PLCB1: variants seen among roughly 807,000 people sequenced by gnomAD.
PLCB1 encodes the protein phospholipase C beta 1, also known as 1-phosphatidylinositol 4,5-bisphosphate phosphodiesterase beta-1.
PLCB1 carries 46 observed loss-of-function variants against 161.8 expected under a neutral mutation model. That is an observed-to-expected ratio of 0.28 (90% CI 0.22 to 0.36). PLCB1 has a LOEUF of 0.36. PLCB1 is among the 10% of genes least tolerant of loss of function. The pLI is 1.00. For missense variants in PLCB1, 1,016 were observed against 1,472.5 expected (o/e 0.69, Z 5.07); for synonymous variants, 517 against 503.7 (o/e 1.03, Z -0.35).
At chr20:8,467,667 CT>C (rs1329054771) in intron 3 of PLCB1, among the ~76,000 whole-genome samples, 5 of 152,110 alleles carry the variant, frequency 3.3e-5, no homozygotes, top group African/African-American at 1.2e-4. Flanking sequence ...GTAATCTGTA[CT>C]TTATTTCTAT....
intron 3 of PLCB1, among the ~76,000 whole-genome samples, chr20:8,580,468 G>C (rs186019546): frequency 7.9e-4 from 120 of 152,272 alleles, no homozygotes; most frequent in Admixed American, 3.7e-3. Flanking sequence ...TCTTTCGAGG[G>C]TTTTCTTTCC....
chr20:8,810,758 G>A (rs571119878), intron 31 of PLCB1, among the ~76,000 whole-genome samples: 1 of 152,256 alleles, frequency 6.6e-6, no homozygotes, highest in South Asian at 2.1e-4. Flanking sequence ...GAGCCCAAGA[G>A]TTTGAGACCA....
At chr20:8,537,222 AG>A (rs1210781565) in intron 3 of PLCB1, among the ~76,000 whole-genome samples, 1 of 152,202 alleles carries the variant, frequency 6.6e-6, no homozygotes. Context: ...CACTTGGAAG[AG>A]GGTCATGTGG....
intron 3 of PLCB1, among the ~76,000 whole-genome samples, chr20:8,581,410 G>A (rs1267987560): frequency 6.6e-6 from 1 of 152,040 alleles, no homozygotes; most frequent in African/African-American, 2.4e-5. Context: ...AGTGAACCTA[G>A]GATGACATTT....
At chr20:8,333,646 A>T (rs2122200181) in intron 2 of PLCB1, among the ~76,000 whole-genome samples, 1 of 152,256 alleles carries the variant, frequency 6.6e-6, no homozygotes, top group East Asian at 1.9e-4. Flanking sequence ...TACTCTTATA[A>T]CCTAAAAAGC....
intron 27 of PLCB1, among the ~76,000 whole-genome samples, chr20:8,778,754 C>T (rs1475392313): frequency 2.0e-5 from 3 of 152,192 alleles, no homozygotes; most frequent in African/African-American, 7.2e-5. Context: ...CACACCTATC[C>T]CAGCCTTGTT....
intron 3 of PLCB1, among the ~76,000 whole-genome samples, chr20:8,445,561 T>C (rs1466316883): frequency 1.3e-5 from 2 of 152,102 alleles, no homozygotes; most frequent in Non-Finnish European, 2.9e-5. Flanking sequence ...AACTTTAAAG[T>C]AGTTTTTTCC....
At chr20:8,720,180 C>G (rs1415004045) in intron 14 of PLCB1, among the ~76,000 whole-genome samples, 1 of 152,198 alleles carries the variant, frequency 6.6e-6, no homozygotes, top group East Asian at 1.9e-4. Context: ...CCTTGTCTTC[C>G]TTTGCATGTG....
intron 3 of PLCB1, among the ~76,000 whole-genome samples, chr20:8,590,599 C>T (rs1480603781): frequency 1.3e-5 from 2 of 152,076 alleles, no homozygotes; most frequent in Non-Finnish European, 2.9e-5. Context: ...GATCAAGGTG[C>T]CAGCAGGTGC....
chr20:8,376,800 C>T (rs865926298), intron 3 of PLCB1, among the ~76,000 whole-genome samples: 88 of 151,896 alleles, frequency 5.8e-4, no homozygotes, highest in Non-Finnish European at 1.0e-3. Context: ...TGGTGGCAGG[C>T]GCCTGTAGTC....
intron 3 of PLCB1, among the ~76,000 whole-genome samples, chr20:8,491,136 A>T (rs1225507402): frequency 6.6e-6 from 1 of 151,878 alleles, no homozygotes; most frequent in Non-Finnish European, 1.5e-5. Flanking sequence ...ATATTTGCCT[A>T]ACTCAAATAT....
In PLCB1 at chr20:8,548,318, C is replaced by A. The variant is rs972555552; in HGVS notation, c.247-79976C>A. ...GTTTTTCTTTCGTCTTCCTTCCTTCCATCATTTTTTCTTTCTCTTTGTTTC... is the reference window on the plus strand; with the variant it reads ...GTTTTTCTTTCGTCTTCCTTCCTTCAATCATTTTTTCTTTCTCTTTGTTTC... On this transcript the variant is annotated intron_variant, in intron 3 of 31. Transcript: ENST00000338037. 2.5e-5 allele frequency among the ~76,000 whole-genome samples: 3 copies of A among 119,898 alleles called. No individual in the cohort carries two copies. The Admixed American group carries it at 2.6e-4, about 10-fold the overall frequency. 78.7% of individuals were successfully genotyped at this position (119,898 alleles called of 152,430 possible). A position where few individuals can be genotyped will look rare whatever the true frequency, so the allele number is the denominator to read the frequency against.
intron 3 of PLCB1, among the ~76,000 whole-genome samples, chr20:8,518,840 A>G (rs1053431014): frequency 6.6e-6 from 1 of 152,000 alleles, no homozygotes; most frequent in East Asian, 1.9e-4. Flanking sequence ...TCCTGCAACT[A>G]GATGGTCCCA....
rs183814994 is a variant in PLCB1, at chr20:8,587,660, G to C, written c.247-40634G>C. ...TCACAGTTGTACATTTGTTGCCATTGGGTTCTGGTTTACAACTGTCTTGCC... is the reference window on the plus strand; with the variant it reads ...TCACAGTTGTACATTTGTTGCCATTCGGTTCTGGTTTACAACTGTCTTGCC... On this transcript the variant is annotated intron_variant, in intron 3 of 31. Coordinates refer to ENST00000338037, the MANE Select transcript of PLCB1 (RefSeq NM_015192.4). Among the ~76,000 whole-genome samples the C allele has an allele frequency of 7.9e-5, 12 of 152,246 alleles. No homozygotes were observed. The East Asian group carries it at 2.1e-3, about 27-fold the overall frequency.
chr20:8,391,113 AAT>A (rs1987571966), intron 3 of PLCB1, among the ~76,000 whole-genome samples: 1 of 152,060 alleles, frequency 6.6e-6, no homozygotes, highest in South Asian at 2.1e-4. Flanking sequence ...TTTACCATAG[AAT>A]TCCATGCACT....
intron 27 of PLCB1, among the ~76,000 whole-genome samples, chr20:8,787,227 T>C (rs913872724): frequency 6.6e-6 from 1 of 152,168 alleles, no homozygotes. Flanking sequence ...GCTAGTGTGC[T>C]TCCCACCTTG....
At chr20:8,186,781 C>T (rs897970629) in intron 2 of PLCB1, among the ~76,000 whole-genome samples, 3 of 152,116 alleles carry the variant, frequency 2.0e-5, no homozygotes, top group African/African-American at 7.2e-5. Context: ...CTGTGATGCA[C>T]ATTTGACCCT....
chr20:8,272,191 A>T (rs1354194245), intron 2 of PLCB1, among the ~76,000 whole-genome samples: 1 of 152,134 alleles, frequency 6.6e-6, no homozygotes, highest in Non-Finnish European at 1.5e-5. Context: ...GGTCAAGAAC[A>T]GTTAACTAAG....
At chr20:8,461,852 A>T (rs568540459) in intron 3 of PLCB1, among the ~76,000 whole-genome samples, 1 of 152,286 alleles carries the variant, frequency 6.6e-6, no homozygotes, top group African/African-American at 2.4e-5. Context: ...CCTCATAAAA[A>T]TGTGTCATAA....
Sources: gnomAD v4.1 joint callset for allele counts (sites outside exome capture counted in the v4.1 genomes callset) on GRCh38, gnomAD v4.1.1 for gene constraint, MANE v1.5 for transcripts, NCBI Gene and HGNC (gene_info 2026-07-23, HGNC 2026-07-21) for gene names.